Variants in RAD51B observed in about 807,000 individuals in gnomAD.
RAD51B encodes the protein DNA repair protein RAD51 homolog 2.
A neutral mutation model predicts 42.2 loss-of-function variants in RAD51B; 38 were observed. That is an observed-to-expected ratio of 0.90 (90% CI 0.70 to 1.18). RAD51B has a LOEUF of 1.18. Among genes scored for constraint, RAD51B ranks in the 50% most tolerant of loss-of-function variants. RAD51B has a pLI of 0.00. For missense variants in RAD51B, 373 were observed against 400.7 expected, an observed-to-expected ratio of 0.93 and a Z score of 0.59; for synonymous variants, 154 against 145.2, an observed-to-expected ratio of 1.06 and a Z score of -0.43.
At position 68,339,278 on chromosome 14, in the gene RAD51B, G is replaced by T. The variant is rs140355828; in HGVS notation, c.853+47298G>T. 5.2e-3 allele frequency: 4,809 copies of T among 924,238 alleles called. 69 individuals carry two copies. Among genetic ancestry groups the T allele is most frequent in the Non-Finnish European group, 3.9e-3 (2,251 of 582,550 alleles). The allele number at this position is 924,238 out of a possible 1,614,324, so 57.3% of individuals were successfully genotyped here. A position where few individuals can be genotyped will look rare whatever the true frequency, so the allele number is the denominator to read the frequency against. On this transcript the variant is annotated intron_variant, in intron 8 of 10. Coordinates refer to ENST00000471583, the MANE Select transcript of RAD51B (RefSeq NM_133510.4). ...TAGCTGTTTGGTGGTCCAGGGCCTG[G>T]GTGAACTGGTTAATGGCAGGAGGCA...
In RAD51B at chr14:67,887,081, T is replaced by C. The variant is rs1161066847; in HGVS notation, c.633T>C (p.Ser211=). The change falls in exon 7 of 11, where the codon TCT becomes TCC. Residue 211 remains serine (S), a synonymous_variant. Transcript: ENST00000471583. ...GAATTAAACTTGTGATTCTTGACTC[T>C]GTTGCTTCTGTGGTCAGAAAGGAGT... ...SKGIKLVILD[S]VASVVRKEFD... is the part of the protein sequence containing the mutation. 6.3e-7 allele frequency: 1 copy of C among 1,580,492 alleles called. No homozygotes were observed. Among genetic ancestry groups the C allele is most frequent in the Non-Finnish European group, 8.7e-7 (1 of 1,152,624 alleles).
intron 7 of RAD51B, among the ~76,000 whole-genome samples, chr14:67,895,276 G>A (rs942856174): frequency 5.9e-5 from 9 of 152,222 alleles, no homozygotes; most frequent in Non-Finnish European, 1.0e-4. Flanking sequence ...TCTAACTGAA[G>A]ATCTTAAGGT....
chr14:68,231,498 T>C (rs1366598312), intron 7 of RAD51B, among the ~76,000 whole-genome samples: 2 of 152,188 alleles, frequency 1.3e-5, no homozygotes, highest in African/African-American at 4.8e-5. Flanking sequence ...CTTATCTCTT[T>C]GCTGTTAATC....
At chr14:67,943,860 A>AT (rs1240466010) in intron 7 of RAD51B, among the ~76,000 whole-genome samples, 2 of 152,142 alleles carry the variant, frequency 1.3e-5, no homozygotes, top group Non-Finnish European at 2.9e-5. Flanking sequence ...AGCGGGTAAA[A>AT]TTGTTGCTCA....
At chr14:68,201,444 A>G (rs767608632) in intron 7 of RAD51B, among the ~76,000 whole-genome samples, 1 of 152,216 alleles carries the variant, frequency 6.6e-6, no homozygotes, top group African/African-American at 2.4e-5. Flanking sequence ...AGCTAATCCA[A>G]TCAACTTGTG....
At position 68,477,664 on chromosome 14, in the gene RAD51B, G is replaced by T. The variant is rs2140254912; in HGVS notation, c.1053G>T (p.Ter351TyrextTer13). 6.2e-7 allele frequency: 1 copy of T among 1,610,608 alleles called. No individual in the cohort carries two copies. The highest frequency in any genetic ancestry group is 1.1e-5 in the South Asian group (1 of 90,738). Residue 351 changes from the stop codon to tyrosine, a stop_lost, in exon 11 of 11, where the codon TAG becomes TAT. Transcript: ENST00000471583. Reference sequence around the variant, plus strand: ...TTCCTTTAGGCCAAGAGAAGCCATAGGGATACTGTGACCTTTGTCTAGAGT... The same window carrying T: ...TTCCTTTAGGCCAAGAGAAGCCATATGGATACTGTGACCTTTGTCTAGAGT... Reference protein sequence around the residue: ...GLVLQGQEKP* With the variant: ...GLVLQGQEKPY
intron 7 of RAD51B, among the ~76,000 whole-genome samples, chr14:67,981,998 G>A (rs916166059): frequency 2.6e-5 from 4 of 152,044 alleles, no homozygotes; most frequent in African/African-American, 4.8e-5. Flanking sequence ...ATGCAGTGGC[G>A]CAGTCTAGGC....
At chr14:68,269,994 C>G (rs534308734) in intron 7 of RAD51B, among the ~76,000 whole-genome samples, 1 of 152,358 alleles carries the variant, frequency 6.6e-6, no homozygotes, top group African/African-American at 2.4e-5. Context: ...TAGAACCACC[C>G]TCTTTTTCCA....
chr14:67,912,253 A>G (rs182983526), intron 7 of RAD51B, among the ~76,000 whole-genome samples: 35 of 152,292 alleles, frequency 2.3e-4, no homozygotes, highest in South Asian at 2.1e-4. Context: ...AGAATTACCA[A>G]AGGTCTGTAT....
chr14:68,094,451 A>G (rs2077157130), intron 7 of RAD51B, among the ~76,000 whole-genome samples: 1 of 152,238 alleles, frequency 6.6e-6, no homozygotes, highest in South Asian at 2.1e-4. Flanking sequence ...TGAAAAATAT[A>G]AAAGAAGGCT....
intron 10 of RAD51B, among the ~76,000 whole-genome samples, chr14:68,510,138 G>C (rs74665965): frequency 0.034 from 5,205 of 152,160 alleles, 161 homozygotes; most frequent in Non-Finnish European, 0.045. Context: ...TGCCTTCCAG[G>C]ATCTGTCTCC....
chr14:68,513,257 G>T (rs781656193), intron 10 of RAD51B, among the ~76,000 whole-genome samples: 11 of 152,214 alleles, frequency 7.2e-5, no homozygotes, highest in Non-Finnish European at 1.2e-4. Flanking sequence ...ACATGGCAAT[G>T]GTAGCTGCAC....
intron 10 of RAD51B, among the ~76,000 whole-genome samples, chr14:68,487,041 G>A (rs1157400897): frequency 6.6e-6 from 1 of 152,234 alleles, no homozygotes; most frequent in Non-Finnish European, 1.5e-5. Context: ...AGAAAGTGGG[G>A]AGGGTGAAAG....
intron 8 of RAD51B, among the ~76,000 whole-genome samples, chr14:68,378,978 G>A (rs552597774): frequency 6.4e-4 from 97 of 152,250 alleles, no homozygotes; most frequent in African/African-American, 1.8e-3. Context: ...CAGTCTACTT[G>A]TTCTCCCAAC....
intron 10 of RAD51B, among the ~76,000 whole-genome samples, chr14:68,512,074 G>A (rs1392936367): frequency 6.6e-6 from 1 of 152,334 alleles, no homozygotes; most frequent in Non-Finnish European, 1.5e-5. Context: ...TGACTTTTGT[G>A]AGCCTGGGGC....
chr14:68,437,902 T>C (rs184120093), intron 9 of RAD51B, among the ~76,000 whole-genome samples: 6 of 152,108 alleles, frequency 3.9e-5, no homozygotes, highest in Non-Finnish European at 8.8e-5. Context: ...TGCATTGGTA[T>C]TTGCTTGATA....
At chr14:68,238,326 G>C (rs868090759) in intron 7 of RAD51B, among the ~76,000 whole-genome samples, 6 of 152,126 alleles carry the variant, frequency 3.9e-5, no homozygotes, top group African/African-American at 1.2e-4. Context: ...TTTAAGATGA[G>C]GTCTTGCTCT....
chr14:68,109,365 G>A (rs2077425491), intron 7 of RAD51B, among the ~76,000 whole-genome samples: 1 of 151,978 alleles, frequency 6.6e-6, no homozygotes, highest in Non-Finnish European at 1.5e-5. Flanking sequence ...TCTCTCTTTT[G>A]TAAACATGTT....
chr14:68,458,382 C>T (rs2085757714), intron 9 of RAD51B, among the ~76,000 whole-genome samples: 1 of 152,164 alleles, frequency 6.6e-6, no homozygotes, highest in Admixed American at 6.5e-5. Context: ...AAACCGTAAA[C>T]TCAAAATGTC....
Sources: gnomAD v4.1 joint callset for allele counts (sites outside exome capture counted in the v4.1 genomes callset) on GRCh38, gnomAD v4.1.1 for gene constraint, MANE v1.5 for transcripts, NCBI Gene and HGNC (gene_info 2026-07-23, HGNC 2026-07-21) for gene names.